Variants in ENTREP1 observed in about 807,000 individuals in gnomAD.
ENTREP1 encodes Friedreich ataxia region gene X123.
the ENTREP1 span, chr9:69,387,778 C>T: frequency 1.2e-5 from 8 of 678,230 alleles, no homozygotes; most frequent in Admixed American, 3.6e-5. Context: ...ATCCTCGCTC[C>T]TTGGAACATC....
chr9:69,325,170 C>G, the ENTREP1 span: 5 of 1,037,294 alleles, frequency 4.8e-6, no homozygotes, highest in Non-Finnish European at 4.6e-6. Context: ...GTGGTTGGGC[C>G]GTGCGCATTT....
the ENTREP1 span, among the ~76,000 whole-genome samples, chr9:69,379,086 A>G: frequency 0.46 from 69,140 of 151,792 alleles, 16,223 homozygotes; most frequent in African/African-American, 0.57. Context: ...CCACAGAAAT[A>G]CTAGTGTCTT....
the ENTREP1 span, chr9:69,377,290 A>G: frequency 1.1e-6 from 1 of 883,740 alleles, no homozygotes; most frequent in Non-Finnish European, 1.9e-6. Context: ...CAGCGTTATT[A>G]TTATTTTAAA....
the ENTREP1 span, among the ~76,000 whole-genome samples, chr9:69,349,994 C>A: frequency 1.3e-5 from 2 of 152,102 alleles, no homozygotes; most frequent in African/African-American, 4.8e-5. Flanking sequence ...TGGGGACTGT[C>A]GTATATGATT....
the ENTREP1 span, among the ~76,000 whole-genome samples, chr9:69,367,354 C>A: frequency 1.3e-5 from 2 of 151,422 alleles, no homozygotes; most frequent in Non-Finnish European, 2.9e-5. Flanking sequence ...TTTTTGGTTT[C>A]ATATGAATTT....
the ENTREP1 span, chr9:69,387,958 A>G: frequency 4.6e-6 from 7 of 1,531,936 alleles, 1 homozygote; most frequent in South Asian, 4.8e-5. Flanking sequence ...GTTTCGGGCC[A>G]TATCCTATTG....
At chr9:69,326,582 C>A in the ENTREP1 span, among the ~76,000 whole-genome samples, 1 of 152,178 alleles carries the variant, frequency 6.6e-6, no homozygotes, top group East Asian at 1.9e-4. Flanking sequence ...GCCACTCCCC[C>A]CTGCCTCCTA....
chr9:69,388,735 G>A, the ENTREP1 span, among the ~76,000 whole-genome samples: 186 of 152,324 alleles, frequency 1.2e-3, no homozygotes, highest in Middle Eastern at 0.01. Flanking sequence ...GAATAAAAGC[G>A]GAGGATGTGG....
chr9:69,355,198 C>G, the ENTREP1 span, among the ~76,000 whole-genome samples: 1 of 152,194 alleles, frequency 6.6e-6, no homozygotes, highest in African/African-American at 2.4e-5. Flanking sequence ...ACACCTCTTT[C>G]TCCACAGACT....
the ENTREP1 span, among the ~76,000 whole-genome samples, chr9:69,329,167 C>T: frequency 2.0e-5 from 3 of 152,148 alleles, no homozygotes; most frequent in Non-Finnish European, 4.4e-5. Context: ...TACTTCAAAC[C>T]CACATAGGAA....
At chr9:69,350,719 T>C in the ENTREP1 span, among the ~76,000 whole-genome samples, 1 of 152,204 alleles carries the variant, frequency 6.6e-6, no homozygotes, top group Non-Finnish European at 1.5e-5. Flanking sequence ...TCTCACCCTC[T>C]CACTTGAATA....
At chr9:69,363,826 A>G in the ENTREP1 span, among the ~76,000 whole-genome samples, 1 of 152,172 alleles carries the variant, frequency 6.6e-6, no homozygotes, top group South Asian at 2.1e-4. Context: ...AGCCTTGCCC[A>G]TGGGTAGAGT....
At chr9:69,368,902 G>A in the ENTREP1 span, among the ~76,000 whole-genome samples, 1 of 151,932 alleles carries the variant, frequency 6.6e-6, no homozygotes, top group Admixed American at 6.6e-5. Context: ...CGTTACATAG[G>A]TATACACATG....
the ENTREP1 span, among the ~76,000 whole-genome samples, chr9:69,372,051 T>G: frequency 6.6e-6 from 1 of 152,240 alleles, no homozygotes; most frequent in Non-Finnish European, 1.5e-5. Flanking sequence ...CTATTTATTA[T>G]GTAGCATGCC....
At chr9:69,352,571 A>G in the ENTREP1 span, among the ~76,000 whole-genome samples, 100 of 152,370 alleles carry the variant, frequency 6.6e-4, 3 homozygotes, top group South Asian at 9.3e-3. Flanking sequence ...TGTTATTAGT[A>G]TCCTCATTCT....
At chr9:69,331,102 C>T in the ENTREP1 span, among the ~76,000 whole-genome samples, 1 of 152,056 alleles carries the variant, frequency 6.6e-6, no homozygotes, top group Non-Finnish European at 1.5e-5. Context: ...CATACACACA[C>T]ATTTTTTAAA....
the ENTREP1 span, among the ~76,000 whole-genome samples, chr9:69,332,840 A>C: frequency 2.0e-5 from 3 of 152,354 alleles, no homozygotes; most frequent in Middle Eastern, 3.4e-3. Context: ...TTGTTTTTAA[A>C]GATATATGTT....
At chr9:69,336,571 T>C in the ENTREP1 span, among the ~76,000 whole-genome samples, 1 of 152,156 alleles carries the variant, frequency 6.6e-6, no homozygotes, top group Non-Finnish European at 1.5e-5. Context: ...GTTTTAAATA[T>C]ATACAATAGT....
chr9:69,376,133 T>G, the ENTREP1 span, among the ~76,000 whole-genome samples: 1 of 152,358 alleles, frequency 6.6e-6, no homozygotes, highest in African/African-American at 2.4e-5. Flanking sequence ...TATGTATATG[T>G]ATACACATAC....
Sources: allele counts gnomAD v4.1 joint callset (sites outside exome capture counted in the v4.1 genomes callset), GRCh38; gene constraint gnomAD v4.1.1; transcripts MANE v1.5; gene names NCBI Gene and HGNC (gene_info 2026-07-23, HGNC 2026-07-21).